NIBAN2: variants seen among roughly 807,000 people sequenced by gnomAD.
NIBAN2 encodes the protein protein Niban 2.
In NIBAN2, 36 loss-of-function variants were observed where a neutral mutation model predicts 81.8. The ratio of observed to expected loss-of-function variants is 0.44; its 90% CI spans 0.34 to 0.58. The LOEUF is 0.58. Among genes scored for constraint, NIBAN2 ranks in the 20% least tolerant of loss-of-function variants. NIBAN2 has a pLI of 0.02. For synonymous variants in NIBAN2, 445 were observed against 441.6 expected (o/e 1.01, Z -0.10); for missense variants, 897 against 1,014.1 (o/e 0.88, Z 1.57).
chr9:127,564,317 A>G (rs1837821969), intron 1 of NIBAN2, among the ~76,000 whole-genome samples: 1 of 151,050 alleles, frequency 6.6e-6, no homozygotes, highest in Admixed American at 6.6e-5. Context: ...AAGGTGACCC[A>G]GGAGTTCCAT....
chr9:127,578,730 C>G (rs1291696113), intron 1 of NIBAN2, among the ~76,000 whole-genome samples: 1 of 151,816 alleles, frequency 6.6e-6, no homozygotes, highest in Non-Finnish European at 1.5e-5. Flanking sequence ...TGCTGTAGTG[C>G]CTTAAGCCTA....
intron 2 of NIBAN2, among the ~76,000 whole-genome samples, chr9:127,527,660 G>A (rs1837101658): frequency 6.6e-6 from 1 of 152,184 alleles, no homozygotes; most frequent in Admixed American, 6.5e-5. Context: ...CCGCTACCTT[G>A]GAAGGGTCTG....
At position 127,527,330 on chromosome 9, in the gene NIBAN2, C is replaced by T. The variant is rs750960392; in HGVS notation, c.187-8G>A. 1 of 1,611,714 alleles carries T rather than the reference C, an allele frequency of 6.2e-7. No homozygotes were observed. The highest frequency in any genetic ancestry group is 8.5e-7 in the Non-Finnish European group (1 of 1,179,298). ...GCGCTCGTCCAGTGGCACCTGTGGG[C>T]AGGAGCGGGTGGGGAGTGAGGCCCA... On this transcript the variant is annotated splice_region_variant and splice_polypyrimidine_tract_variant and intron_variant, in intron 2 of 13. Transcript: ENST00000373312.
chr9:127,574,200 G>C (rs1034441198), intron 1 of NIBAN2, among the ~76,000 whole-genome samples: 15 of 152,182 alleles, frequency 9.9e-5, no homozygotes, highest in African/African-American at 3.6e-4. Flanking sequence ...TGTGGACAAA[G>C]GGTGGCAATG....
intron 1 of NIBAN2, among the ~76,000 whole-genome samples, chr9:127,550,327 T>C (rs1004371364): frequency 6.6e-6 from 1 of 152,210 alleles, no homozygotes; most frequent in Non-Finnish European, 1.5e-5. Context: ...TAAGCCTTGA[T>C]AGAACTGACC....
intron 1 of NIBAN2, among the ~76,000 whole-genome samples, chr9:127,538,198 C>G (rs1837313502): frequency 6.6e-6 from 1 of 152,104 alleles, no homozygotes; most frequent in Non-Finnish European, 1.5e-5. Flanking sequence ...TGACTGGAAC[C>G]CTGTCTCCAA....
chr9:127,539,519 G>A (rs1837339797), intron 1 of NIBAN2, among the ~76,000 whole-genome samples: 1 of 152,174 alleles, frequency 6.6e-6, no homozygotes, highest in Non-Finnish European at 1.5e-5. Context: ...CCCCTGTCGG[G>A]TCGGAGCTGG....
intron 3 of NIBAN2, 41 bp from the exon 4 acceptor site, chr9:127,525,204 C>A (rs117164254): frequency 0.016 from 24,185 of 1,508,060 alleles, 234 homozygotes; most frequent in Middle Eastern, 0.031. Context: ...GGTTAAGGTG[C>A]GGCCAAGCCC....
chr9:127,551,940 G>C (rs1042435438), intron 1 of NIBAN2, among the ~76,000 whole-genome samples: 47 of 152,152 alleles, frequency 3.1e-4, no homozygotes, highest in Non-Finnish European at 8.8e-5. Flanking sequence ...CCTCCCATGA[G>C]CTCAGCCAGC....
chr9:127,568,855 G>A lies in NIBAN2; in HGVS notation c.20C>T (p.Thr7Met). ...CTGGCGCCGGGCGTCGTCCAGGTGCGTGGACAGCACGTCCCCCATGGCCAG... is the reference window on the plus strand; with the variant it reads ...CTGGCGCCGGGCGTCGTCCAGGTGCATGGACAGCACGTCCCCCATGGCCAG... Reference protein sequence around the residue: MGDVLSTHLDDARRQHI... With the variant: MGDVLSMHLDDARRQHI... Residue 7 changes from threonine (T) to methionine (M), a missense_variant, in exon 1 of 14, where the codon ACG becomes ATG. Transcript: ENST00000373312. 2.9e-6 allele frequency: 4 copies of A among 1,366,826 alleles called. No homozygotes were observed. Among genetic ancestry groups the A allele is most frequent in the South Asian group, 3.1e-5 (2 of 64,314 alleles). 84.7% of individuals were successfully genotyped at this position (1,366,826 alleles called of 1,614,324 possible).
chr9:127,525,264 G>A, intron 3 of NIBAN2, 101 bp from the exon 4 acceptor site: 1 of 771,450 alleles, frequency 1.3e-6, no homozygotes, highest in Non-Finnish European at 2.2e-6. Context: ...AAAGTGGGGA[G>A]GAGAAGGGAA....
At chr9:127,558,101 G>T (rs537684627) in intron 1 of NIBAN2, among the ~76,000 whole-genome samples, 114 of 152,058 alleles carry the variant, frequency 7.5e-4, no homozygotes, top group Admixed American at 2.7e-3. Flanking sequence ...GGGTGGGAGG[G>T]GAGTGTGGCT....
chr9:127,543,898 C>G (rs934952174), intron 1 of NIBAN2, among the ~76,000 whole-genome samples: 4 of 152,228 alleles, frequency 2.6e-5, no homozygotes, highest in African/African-American at 9.6e-5. Context: ...GGCACAGAGG[C>G]AGATCCCATA....
chr9:127,566,920 C>G (rs1470526679), intron 1 of NIBAN2, among the ~76,000 whole-genome samples: 1 of 151,246 alleles, frequency 6.6e-6, no homozygotes, highest in Admixed American at 6.6e-5. Flanking sequence ...TCAGGAACTC[C>G]CCTCAGGTGA....
intron 5 of NIBAN2, among the ~76,000 whole-genome samples, chr9:127,520,976 G>A (rs1836930576): frequency 6.6e-6 from 1 of 152,212 alleles, no homozygotes; most frequent in African/African-American, 2.4e-5. Context: ...GACCCTGTGA[G>A]GACTCAGGGA....
At chr9:127,574,774 A>G (rs548902682) in intron 1 of NIBAN2, among the ~76,000 whole-genome samples, 1 of 152,196 alleles carries the variant, frequency 6.6e-6, no homozygotes, top group African/African-American at 2.4e-5. Context: ...GGCATGGCCC[A>G]TTGTGCAGAA....
In NIBAN2 at chr9:127,517,484, C is replaced by G. The variant is rs1836855705; in HGVS notation, c.706-268G>C. Among the ~76,000 whole-genome samples the G allele has an allele frequency of 6.6e-6, 1 of 152,168 alleles. No individual in the cohort carries two copies. The highest frequency in any genetic ancestry group is 2.1e-4 in the South Asian group (1 of 4,832). ...CTTCCCTACCTAGAATACCATACTC[C>G]CTCCCTGCTTTGCCTGCACATGGAA... On this transcript the variant is annotated intron_variant, in intron 6 of 13. Transcript: ENST00000373312. This position sits in a 1 kb window ranked among gnomAD's most constrained non-coding sequence, Gnocchi z 4.0.
At chr9:127,518,070 C>T (rs2132166489) in intron 5 of NIBAN2, 129 bp from the exon 6 acceptor site, 1 of 600,654 alleles carries the variant, frequency 1.7e-6, no homozygotes, top group South Asian at 2.0e-5. Flanking sequence ...AGCTGGGACC[C>T]TCACTTTCCT....
upstream of NIBAN2, among the ~76,000 whole-genome samples, chr9:127,571,611 G>A (rs748088696): frequency 1.3e-5 from 2 of 152,074 alleles, no homozygotes. Flanking sequence ...CAGAAGAATC[G>A]CTTGAACCCG....
Sources: allele counts gnomAD v4.1 joint callset (sites outside exome capture counted in the v4.1 genomes callset), GRCh38; gene constraint gnomAD v4.1.1; non-coding constraint Gnocchi (gnomAD v3.1); transcripts MANE v1.5; gene names NCBI Gene and HGNC (gene_info 2026-07-23, HGNC 2026-07-21).